Variants in CDADC1 observed in about 807,000 individuals in gnomAD.
CDADC1 encodes dCTP deaminase.
In CDADC1, 39 loss-of-function variants were observed where a neutral mutation model predicts 54.9. The ratio of observed to expected loss-of-function variants is 0.71; its 90% CI spans 0.55 to 0.93. CDADC1 has a LOEUF of 0.93. CDADC1 is among the 40% of genes least tolerant of loss of function. The probability of loss-of-function intolerance (pLI) is 0.00; values close to 1 mark genes in which losing one functional copy is unlikely to be tolerated. For synonymous variants in CDADC1, 186 were observed against 204.0 expected (o/e 0.91, Z 0.75); for missense variants, 518 against 618.8 (o/e 0.84, Z 1.73).
intron 4 of CDADC1, among the ~76,000 whole-genome samples, chr13:49,261,201 G>A (rs1031226389): frequency 7.2e-5 from 11 of 152,194 alleles, no homozygotes; most frequent in Admixed American, 6.5e-5. Context: ...GTAATGATCA[G>A]ATCTATGTCA....
intron 4 of CDADC1, among the ~76,000 whole-genome samples, chr13:49,265,042 T>TA (rs1952785465): frequency 1.3e-5 from 2 of 152,262 alleles, no homozygotes; most frequent in Admixed American, 1.3e-4. Flanking sequence ...TATGCTATGC[T>TA]ATTCATTAGT....
intron 9 of CDADC1, among the ~76,000 whole-genome samples, chr13:49,289,410 G>A (rs142650057): frequency 0.029 from 4,346 of 152,218 alleles, 194 homozygotes; most frequent in African/African-American, 0.097. Flanking sequence ...TTACCGGCAT[G>A]AGCCACCACG....
At chr13:49,262,648 A>T (rs1952714659) in intron 4 of CDADC1, among the ~76,000 whole-genome samples, 1 of 152,072 alleles carries the variant, frequency 6.6e-6, no homozygotes, top group African/African-American at 2.4e-5. Context: ...CCCCTGCCTC[A>T]GCCTCCTGAG....
At chr13:49,272,662 T>C (rs972800636) in intron 5 of CDADC1, among the ~76,000 whole-genome samples, 4 of 150,212 alleles carry the variant, frequency 2.7e-5, no homozygotes, top group African/African-American at 7.3e-5. Flanking sequence ...TTTTTCTTTT[T>C]TTTTTTTTTT....
chr13:49,290,526 G>A (rs1380767967), intron 9 of CDADC1, among the ~76,000 whole-genome samples: 1 of 152,158 alleles, frequency 6.6e-6, no homozygotes, highest in Non-Finnish European at 1.5e-5. Context: ...CCTGGCCCAG[G>A]TGTCCTTAGG....
At chr13:49,274,158 A>T in intron 5 of CDADC1, 133 bp from the exon 6 acceptor site, 1 of 633,762 alleles carries the variant, frequency 1.6e-6, no homozygotes, top group Admixed American at 2.7e-5. Flanking sequence ...TTCTGTAATT[A>T]GTGAAGATAC....
intron 8 of CDADC1, among the ~76,000 whole-genome samples, chr13:49,282,236 G>GTTTTTTTTTT (rs759792512): frequency 1.4e-3 from 136 of 94,132 alleles, no homozygotes; most frequent in East Asian, 2.5e-3. Context: ...GTTTTTGTGG[G>GTTTTTTTTTT]TTTTTTTTTT....
rs7333384 is a variant in CDADC1, at chr13:49,267,093, G to A, written c.431-397G>A. 4.5e-3 allele frequency among the ~76,000 whole-genome samples: 681 copies of A among 152,254 alleles called. 3 individuals are homozygous for A. The highest frequency in any genetic ancestry group is 0.016 in the African/African-American group (647 of 41,542). Reference sequence around the variant, plus strand: ...TATTTTAGACTTTGCAGGCCGTGTGGTGTCTGTCACAGCTACTCAACTCTG... The same window carrying A: ...TATTTTAGACTTTGCAGGCCGTGTGATGTCTGTCACAGCTACTCAACTCTG... On this transcript the variant is annotated intron_variant, in intron 4 of 9. Transcript: ENST00000251108.
intron 4 of CDADC1, among the ~76,000 whole-genome samples, chr13:49,263,305 C>A (rs1038646941): frequency 1.3e-5 from 2 of 152,184 alleles, no homozygotes; most frequent in Non-Finnish European, 2.9e-5. Context: ...TATTATGAGC[C>A]TGACAGCATC....
chr13:49,259,287 C>A, intron 3 of CDADC1, 59 bp from the exon 4 acceptor site: 1 of 1,138,622 alleles, frequency 8.8e-7, no homozygotes, highest in South Asian at 1.6e-5. Flanking sequence ...CAAGTATAAT[C>A]CATAATATGA....
At chr13:49,273,244 G>A (rs1268789807) in intron 5 of CDADC1, among the ~76,000 whole-genome samples, 1 of 152,130 alleles carries the variant, frequency 6.6e-6, no homozygotes, top group African/African-American at 2.4e-5. Flanking sequence ...GTTATCATTG[G>A]AGGGATTCAC....
chr13:49,278,507 C>A lies in CDADC1; in HGVS notation c.1208C>A (p.Ala403Asp). ...TACATCATACATGCGGAACAGAATG[C>A]CTTGACATTTAGGTATGAAATCCTT... ...FRYIIHAEQN[A>D]LTFRCQEIKP... The change falls in exon 7 of 10, where the codon GCC becomes GAC. Residue 403 changes from alanine (A) to aspartate (D), a missense_variant. By Grantham distance (126) the Ala-to-Asp change is moderately radical. Transcript: ENST00000251108. The A allele has an allele frequency of 6.5e-7, 1 of 1,527,368 alleles. No homozygotes were observed. The highest frequency in any genetic ancestry group is 8.9e-7 in the Non-Finnish European group (1 of 1,121,096). 94.6% of individuals were successfully genotyped at this position (1,527,368 alleles called of 1,614,324 possible).
chr13:49,288,936 C>T (rs1354183330), intron 9 of CDADC1, among the ~76,000 whole-genome samples: 1 of 152,082 alleles, frequency 6.6e-6, no homozygotes, highest in Non-Finnish European at 1.5e-5. Context: ...TAAGCGAACA[C>T]AATAGCCAGA....
chr13:49,251,554 G>GT (rs997104043), intron 2 of CDADC1, among the ~76,000 whole-genome samples: 39 of 148,636 alleles, frequency 2.6e-4, no homozygotes, highest in Admixed American at 5.4e-4. Flanking sequence ...CTGAAATTAA[G>GT]TTTTTTTTTT....
intron 6 of CDADC1, among the ~76,000 whole-genome samples, chr13:49,275,720 TATATATAGAGAGAGAGAGAGAGAGAG>T (rs1953103370): frequency 2.5e-3 from 66 of 26,056 alleles, no homozygotes; most frequent in Non-Finnish European, 3.0e-3. Context: ...TATATATATA[TATATATAGAGAGAGAGAGAGAGAGAG>T]AGAGAGAGAG....
At chr13:49,265,468 TC>T (rs1952794400) in intron 4 of CDADC1, among the ~76,000 whole-genome samples, 1 of 152,210 alleles carries the variant, frequency 6.6e-6, no homozygotes, top group African/African-American at 2.4e-5. Flanking sequence ...CTCAGTTTTG[TC>T]CTTCCACTCT....
chr13:49,254,703 C>T (rs1952506003), intron 2 of CDADC1, among the ~76,000 whole-genome samples: 1 of 152,102 alleles, frequency 6.6e-6, no homozygotes, highest in Non-Finnish European at 1.5e-5. Flanking sequence ...ACCTGGCTAT[C>T]TCACCTATTT....
intron 6 of CDADC1, among the ~76,000 whole-genome samples, chr13:49,275,287 T>C (rs1296934233): frequency 6.6e-6 from 1 of 151,928 alleles, no homozygotes; most frequent in Non-Finnish European, 1.5e-5. Context: ...GATTTTGCCA[T>C]GTTGACCAGG....
At position 49,259,497 on chromosome 13, in the gene CDADC1, C is replaced by G. The variant is rs1248547522; in HGVS notation, c.404C>G (p.Ser135Cys). Reference sequence around the variant, plus strand: ...CTTTATTTTTCCAGAAAACCATGTTCTGCTTGTTTGAAAATGATTGTAAAT... The same window carrying G: ...CTTTATTTTTCCAGAAAACCATGTTGTGCTTGTTTGAAAATGATTGTAAAT... ...CDLYFSRKPC[S>C]ACLKMIVNAG... The change falls in exon 4 of 10, where the codon TCT (serine) becomes TGT (cysteine). Residue 135 changes from serine (S) to cysteine (C), a missense_variant. By Grantham distance (112) the Ser-to-Cys change is moderately radical. Transcript: ENST00000251108. The G allele has an allele frequency of 6.2e-7, 1 of 1,613,878 alleles. No homozygotes were observed. Among genetic ancestry groups the G allele is most frequent in the Non-Finnish European group, 8.5e-7 (1 of 1,179,888 alleles).
Sources: gnomAD v4.1 joint callset for allele counts (sites outside exome capture counted in the v4.1 genomes callset) on GRCh38, gnomAD v4.1.1 for gene constraint, MANE v1.5 for transcripts, NCBI Gene and HGNC (gene_info 2026-07-23, HGNC 2026-07-21) for gene names.